ANO3: variants seen among roughly 807,000 people sequenced by gnomAD.
ANO3 encodes the protein anoctamin-3.
Under a neutral mutation model 144.8 loss-of-function variants are expected in ANO3, and 99 were observed. The ratio of observed to expected loss-of-function variants is 0.68; its 90% confidence interval spans 0.58 to 0.81. The LOEUF (loss-of-function observed/expected upper bound fraction) is 0.81, where lower values mean the gene tolerates loss of function less well. Among genes scored for constraint, ANO3 ranks in the 30% least tolerant of loss-of-function variants. The probability of loss-of-function intolerance (pLI) is 0.00; values close to 1 mark genes in which losing one functional copy is unlikely to be tolerated. For missense variants in ANO3, 905 were observed against 1,202.2 expected (o/e 0.75, Z 3.66); for synonymous variants, 414 against 392.6 (o/e 1.05, Z -0.64).
intron 1 of ANO3, among the ~76,000 whole-genome samples, chr11:26,221,655 G>T (rs942227509): frequency 2.0e-5 from 3 of 152,142 alleles, no homozygotes; most frequent in Non-Finnish European, 4.4e-5. Context: ...AAGAAGTATG[G>T]CATTGGCATC....
chr11:26,345,027 A>C (rs1424526834), intron 1 of ANO3, among the ~76,000 whole-genome samples: 1 of 152,220 alleles, frequency 6.6e-6, no homozygotes, highest in Non-Finnish European at 1.5e-5. Flanking sequence ...ATTCTGTTAA[A>C]TATAATGTTT....
At chr11:26,393,092 T>C (rs1367886283) in intron 1 of ANO3, among the ~76,000 whole-genome samples, 1 of 152,164 alleles carries the variant, frequency 6.6e-6, no homozygotes, top group East Asian at 1.9e-4. Context: ...AAGCATCTTC[T>C]AATTCTAAAA....
chr11:26,218,553 C>T (rs753652671), intron 1 of ANO3, among the ~76,000 whole-genome samples: 1 of 152,086 alleles, frequency 6.6e-6, no homozygotes, highest in Non-Finnish European at 1.5e-5. Context: ...TCCCAAGCGA[C>T]TGCCTCATAC....
At chr11:26,267,904 G>A (rs934814552) in intron 1 of ANO3, among the ~76,000 whole-genome samples, 1 of 151,894 alleles carries the variant, frequency 6.6e-6, no homozygotes, top group Admixed American at 6.6e-5. Context: ...GCATGTAAAT[G>A]TTGAATCATA....
intron 8 of ANO3, among the ~76,000 whole-genome samples, chr11:26,531,799 T>G (rs975998677): frequency 1.3e-5 from 2 of 152,218 alleles, no homozygotes; most frequent in Non-Finnish European, 2.9e-5. Context: ...TGATAATTTT[T>G]AAAGAGATTT....
intron 17 of ANO3, among the ~76,000 whole-genome samples, chr11:26,615,073 T>C (rs1291484971): frequency 1.3e-5 from 2 of 151,216 alleles, no homozygotes; most frequent in Non-Finnish European, 2.9e-5. Context: ...TCTCTGTATA[T>C]AGGTCTTGAT....
chr11:26,597,737 A>C (rs912953494), intron 14 of ANO3, among the ~76,000 whole-genome samples: 3 of 152,302 alleles, frequency 2.0e-5, no homozygotes, highest in Admixed American at 6.5e-5. Flanking sequence ...AAAGTCTTGA[A>C]TGGTGTAAGA....
intron 1 of ANO3, among the ~76,000 whole-genome samples, chr11:26,289,183 T>C (rs1185216725): frequency 6.6e-6 from 1 of 151,894 alleles, no homozygotes; most frequent in Non-Finnish European, 1.5e-5. Context: ...GGATTTATAA[T>C]GACAGGCAAA....
chr11:26,465,006 ATT>A (rs1859546000), intron 4 of ANO3, among the ~76,000 whole-genome samples: 1 of 151,638 alleles, frequency 6.6e-6, no homozygotes, highest in African/African-American at 2.4e-5. Flanking sequence ...CTTTGTGTAC[ATT>A]TGTCACAGGA....
intron 21 of ANO3, 63 bp from the exon 22 acceptor site, chr11:26,641,833 A>T: frequency 6.6e-7 from 1 of 1,515,002 alleles, no homozygotes; most frequent in Non-Finnish European, 8.9e-7. Context: ...TTAATTCACT[A>T]TACATTGTTA....
intron 8 of ANO3, among the ~76,000 whole-genome samples, chr11:26,532,499 T>C (rs1487844702): frequency 1.3e-5 from 2 of 152,198 alleles, no homozygotes; most frequent in African/African-American, 4.8e-5. Flanking sequence ...CAGTTTCCCA[T>C]TTGTACTTCC....
At chr11:26,545,486 G>T (rs1849762936) in intron 11 of ANO3, among the ~76,000 whole-genome samples, 1 of 151,926 alleles carries the variant, frequency 6.6e-6, no homozygotes, top group African/African-American at 2.4e-5. Context: ...AAACTAAAAA[G>T]AGCACACATT....
intron 13 of ANO3, among the ~76,000 whole-genome samples, chr11:26,558,498 C>G (rs887483613): frequency 1.3e-5 from 2 of 151,918 alleles, no homozygotes; most frequent in Non-Finnish European, 2.9e-5. Context: ...CTTTATGATC[C>G]TTTTCTCTCC....
At chr11:26,322,164 ATCT>A (rs1263993835) in intron 1 of ANO3, among the ~76,000 whole-genome samples, 8 of 151,996 alleles carry the variant, frequency 5.3e-5, no homozygotes, top group Admixed American at 1.3e-4. Context: ...GCTCCAGAAA[ATCT>A]TCTTATTACT....
At chr11:26,555,638 A>T (rs1850062828) in intron 13 of ANO3, among the ~76,000 whole-genome samples, 2 of 152,186 alleles carry the variant, frequency 1.3e-5, no homozygotes, top group Non-Finnish European at 1.5e-5. Flanking sequence ...AATACAAGAA[A>T]TACAACCCAC....
At chr11:26,473,787 C>T (rs1031838325) in intron 4 of ANO3, 11 of 227,068 alleles carry the variant, frequency 4.8e-5, no homozygotes, top group Non-Finnish European at 7.3e-5. Context: ...CATGCATAGA[C>T]ATTAACCAAT....
At chr11:26,439,525 G>A (rs1003107397) in intron 1 of ANO3, among the ~76,000 whole-genome samples, 2 of 152,160 alleles carry the variant, frequency 1.3e-5, no homozygotes, top group African/African-American at 2.4e-5. Flanking sequence ...TAATAAAAGC[G>A]TTTTAAAGCC....
upstream of ANO3, among the ~76,000 whole-genome samples, chr11:26,329,035 C>T (rs1205777340): frequency 6.6e-6 from 1 of 151,756 alleles, no homozygotes; most frequent in East Asian, 1.9e-4. Flanking sequence ...ATAAAATACA[C>T]ATTTTGCATG....
intron 14 of ANO3, among the ~76,000 whole-genome samples, chr11:26,574,451 C>G (rs980843323): frequency 2.6e-5 from 4 of 152,078 alleles, no homozygotes; most frequent in Admixed American, 2.6e-4. Context: ...ATCAGATTCA[C>G]TGATAGCATA....
Sources: allele counts gnomAD v4.1 joint callset (sites outside exome capture counted in the v4.1 genomes callset), GRCh38; gene constraint gnomAD v4.1.1; transcripts MANE v1.5; gene names NCBI Gene and HGNC (gene_info 2026-07-23, HGNC 2026-07-21).